The following HYDIN variants were observed in gnomAD, a reference collection of about 807,000 sequenced individuals.
The protein encoded by HYDIN is HYDIN axonemal central pair apparatus protein, also known as axonemal central pair apparatus protein HYDIN.
Under a neutral mutation model 403.9 loss-of-function variants are expected in HYDIN, and 132 were observed. The observed-to-expected ratio is 0.33, with a 90% CI of 0.28 to 0.38. The LOEUF is 0.38. Among genes scored for constraint, HYDIN ranks in the 10% least tolerant of loss-of-function variants. HYDIN has a pLI of 1.00. For missense variants in HYDIN, 2,827 were observed against 5,009.5 expected (o/e 0.56, Z 13.15); for synonymous variants, 1,202 against 1,891.7 (o/e 0.64, Z 9.46).
In HYDIN at chr16:70,805,071, G is replaced by A. The variant is rs931792995; in HGVS notation, c.*2509C>T. On this transcript the variant is annotated 3_prime_UTR_variant, in exon 86 of 86. Coordinates refer to ENST00000393567, the MANE Select transcript of HYDIN (RefSeq NM_001270974.2). ...CACCCTTTTGAAGAGTAGGGTGAGG[G>A]ACCAATTGCTTCCCTTCTCCTAACC... Among the ~76,000 whole-genome samples, 57 of 152,234 alleles carry A rather than the reference G, an allele frequency of 3.7e-4. No individual in the cohort carries two copies. The highest frequency in any genetic ancestry group is 2.0e-4 in the Admixed American group (3 of 15,290).
chr16:70,878,548 C>T (rs2040585198), intron 62 of HYDIN, among the ~76,000 whole-genome samples: 2 of 146,910 alleles, frequency 1.4e-5, no homozygotes, highest in South Asian at 2.1e-4. Context: ...CAAGTTGCTC[C>T]ATTACTGTAT....
intron 20 of HYDIN, 165 bp downstream of exon 20, chr16:71,027,437 C>A (rs8047747): frequency 6.7e-7 from 1 of 1,499,598 alleles, no homozygotes; most frequent in South Asian, 1.3e-5. Context: ...AGCAGAGCTG[C>A]ACCCCGAAAG....
intron 23 of HYDIN, among the ~76,000 whole-genome samples, chr16:71,003,969 A>T (rs1411303457): frequency 1.3e-5 from 2 of 151,492 alleles, no homozygotes; most frequent in East Asian, 3.9e-4. Flanking sequence ...TCTTTTATTT[A>T]CTTTCCTATC....
At chr16:71,005,409 C>G (rs1013200100) in intron 23 of HYDIN, among the ~76,000 whole-genome samples, 10 of 152,050 alleles carry the variant, frequency 6.6e-5, no homozygotes, top group Non-Finnish European at 1.2e-4. Flanking sequence ...TGTTCTCTCT[C>G]TCCTTTTGCT....
intron 4 of HYDIN, among the ~76,000 whole-genome samples, chr16:71,178,432 A>AAG (rs1372018518): frequency 1.6e-4 from 13 of 80,780 alleles, no homozygotes; most frequent in African/African-American, 7.1e-4. Context: ...AAAAAAAAAA[A>AAG]AAATATATAT....
intron 7 of HYDIN, among the ~76,000 whole-genome samples, chr16:71,148,757 T>C (rs2085418197): frequency 1.4e-5 from 2 of 145,654 alleles, no homozygotes; most frequent in South Asian, 2.1e-4. Context: ...TATATATATA[T>C]ATATTTCTTT....
chr16:71,114,695 AC>A (rs1212351549), intron 10 of HYDIN, among the ~76,000 whole-genome samples: 2 of 128,198 alleles, frequency 1.6e-5, no homozygotes, highest in East Asian at 4.9e-4. Flanking sequence ...TGTGAACTCA[AC>A]AACTCTGAGT....
intron 45 of HYDIN, among the ~76,000 whole-genome samples, chr16:70,933,261 G>A (rs2077402429): frequency 6.6e-6 from 1 of 152,170 alleles, no homozygotes; most frequent in African/African-American, 2.4e-5. Flanking sequence ...TTGGTCATGG[G>A]GTGAAGGTGC....
rs576178605 is a variant in HYDIN at position 70,834,354 on chromosome 16, T to C, written c.13402-190A>G. On this transcript the variant is annotated intron_variant, in intron 78 of 85. Transcript: ENST00000393567. Reference sequence around the variant, plus strand: ...CTCTATGTTGAAGATTAAGATCATCTCTATAAAATTTGTAGCACATAATAG... The same window carrying C: ...CTCTATGTTGAAGATTAAGATCATCCCTATAAAATTTGTAGCACATAATAG... Among the ~76,000 whole-genome samples the C allele has an allele frequency of 3.6e-3, 539 of 151,710 alleles. 2 individuals are homozygous for C. Among genetic ancestry groups the C allele is most frequent in the African/African-American group, 0.013 (518 of 41,254 alleles).
At chr16:70,961,206 C>T (rs2078409061) in intron 38 of HYDIN, among the ~76,000 whole-genome samples, 1 of 152,156 alleles carries the variant, frequency 6.6e-6, no homozygotes, top group Admixed American at 6.5e-5. Flanking sequence ...GGGAGGGCTG[C>T]TCGGAGAGAC....
chr16:71,204,931 G>C (rs953296228), intron 1 of HYDIN, among the ~76,000 whole-genome samples: 10 of 151,872 alleles, frequency 6.6e-5, no homozygotes, highest in Non-Finnish European at 1.5e-4. Flanking sequence ...AAAAGCTATA[G>C]GTGAAAAAAA....
Position 70,841,277 on chromosome 16 carries a change from A to C in HYDIN, c.12874-1044T>G, listed in dbSNP as rs2037800537. 2.0e-5 allele frequency among the ~76,000 whole-genome samples: 3 copies of C among 152,300 alleles called. No individual in the cohort carries two copies. In the South Asian group the frequency reaches 6.2e-4, roughly 32 times the overall value. On this transcript the variant is annotated intron_variant, in intron 75 of 85. Transcript: ENST00000393567. ...GATTCAATGAAAAGGATGTAAATTT[A>C]TCATCTTCAACTCTTCTGCCAACCA...
chr16:70,949,207 A>G (rs1292099451), intron 41 of HYDIN, among the ~76,000 whole-genome samples: 1 of 151,128 alleles, frequency 6.6e-6, no homozygotes, highest in South Asian at 2.1e-4. Context: ...CTATCGCAAG[A>G]ACAAAAAAAC....
intron 10 of HYDIN, among the ~76,000 whole-genome samples, chr16:71,111,424 T>C (rs890883827): frequency 2.0e-5 from 3 of 152,188 alleles, no homozygotes; most frequent in Non-Finnish European, 2.9e-5. Flanking sequence ...GAAACCACTG[T>C]GGCAAAATGC....
At chr16:71,033,687 A>T (rs1043808881) in intron 18 of HYDIN, among the ~76,000 whole-genome samples, 1 of 152,134 alleles carries the variant, frequency 6.6e-6, no homozygotes, top group Non-Finnish European at 1.5e-5. Flanking sequence ...GCTGGGTTTA[A>T]TACTTAGATG....
chr16:70,906,270 C>G (rs2143771007), intron 50 of HYDIN, among the ~76,000 whole-genome samples: 1 of 152,196 alleles, frequency 6.6e-6, no homozygotes, highest in East Asian at 1.9e-4. Context: ...TCCACAAAAA[C>G]TGTTTTTCAT....
intron 5 of HYDIN, 90 bp downstream of exon 5, chr16:71,175,515 CCA>C: frequency 7.5e-7 from 1 of 1,326,450 alleles, no homozygotes; most frequent in Non-Finnish European, 1.1e-6. Context: ...ACCACCACCA[CCA>C]CCACCAGCAC....
intron 12 of HYDIN, among the ~76,000 whole-genome samples, chr16:71,081,272 A>G (rs1453525674): frequency 6.6e-6 from 1 of 151,990 alleles, no homozygotes; most frequent in Non-Finnish European, 1.5e-5. Flanking sequence ...ATGTGATGAG[A>G]GGTTGTTGTA....
rs200797821 is a variant in HYDIN, at chr16:71,098,811, A to G, written c.1328-4876T>C. On this transcript the variant is annotated intron_variant, in intron 10 of 85. Coordinates refer to ENST00000393567, the MANE Select transcript of HYDIN (RefSeq NM_001270974.2). ...AATGTTTCTTTGGTAGTTATTAATTACTTCAAAGGAGTTTGTCTTATTTGT... is the reference window on the plus strand; with the variant it reads ...AATGTTTCTTTGGTAGTTATTAATTGCTTCAAAGGAGTTTGTCTTATTTGT... 2.7e-3 allele frequency among the ~76,000 whole-genome samples: 398 copies of G among 146,972 alleles called. No homozygotes were observed. The East Asian group carries it at 0.072, about 27-fold the overall frequency.
Sources: allele counts gnomAD v4.1 joint callset (sites outside exome capture counted in the v4.1 genomes callset), GRCh38; gene constraint gnomAD v4.1.1; transcripts MANE v1.5; gene names NCBI Gene and HGNC (gene_info 2026-07-23, HGNC 2026-07-21).